The following ASPRV1 variants were observed in gnomAD, a reference collection of about 807,000 sequenced individuals.
ASPRV1 encodes the protein aspartic peptidase retroviral like 1.
In ASPRV1, 7 loss-of-function variants were observed where a neutral mutation model predicts 11.0. The ratio of observed to expected loss-of-function variants is 0.64; its 90% CI spans 0.36 to 1.20. The LOEUF (loss-of-function observed/expected upper bound fraction) is 1.20. ASPRV1 is among the 50% of genes most tolerant of loss of function. ASPRV1 has a pLI of 0.02. For synonymous variants in ASPRV1, 136 were observed against 138.4 expected (o/e 0.98, Z 0.12); for missense variants, 299 against 320.0 (o/e 0.93, Z 0.50).
chr2:70,087,093 C>A, the ASPRV1 span: 3 of 152,044 alleles, frequency 2.0e-5, no homozygotes, highest in Non-Finnish European at 4.4e-5. Context: ...TGTTTTAAAC[C>A]CGCGGCGTCC....
the ASPRV1 span, among the ~76,000 whole-genome samples, chr2:70,072,043 C>T: frequency 2.6e-5 from 4 of 151,926 alleles, no homozygotes; most frequent in African/African-American, 9.7e-5. Context: ...CCTCTGCCTC[C>T]TGGGTTCAAG....
At chr2:70,082,989 C>G in the ASPRV1 span, among the ~76,000 whole-genome samples, 2 of 152,100 alleles carry the variant, frequency 1.3e-5, no homozygotes, top group Admixed American at 1.3e-4. Flanking sequence ...GTCCCTGCCC[C>G]CAGAGAACAT....
At chr2:70,034,085 G>A in the ASPRV1 span, among the ~76,000 whole-genome samples, 1 of 150,340 alleles carries the variant, frequency 6.7e-6, no homozygotes, top group South Asian at 2.1e-4. Context: ...ACCCCGGGGG[G>A]TGGAGCCTGC....
At chr2:70,053,882 CTCTT>C in the ASPRV1 span, 3 of 152,252 alleles carry the variant, frequency 2.0e-5, no homozygotes, top group Admixed American at 6.5e-5. Flanking sequence ...GCAGAGGAAC[CTCTT>C]TCTCTCTCCA....
At chr2:70,010,958 T>C in the ASPRV1 span, among the ~76,000 whole-genome samples, 3 of 152,190 alleles carry the variant, frequency 2.0e-5, no homozygotes, top group African/African-American at 4.8e-5. Context: ...GTACTCGATA[T>C]GTATTTACTT....
the ASPRV1 span, among the ~76,000 whole-genome samples, chr2:70,022,346 AACACACACACACACTTACAC>A: frequency 2.2e-3 from 298 of 138,582 alleles, 2 homozygotes; most frequent in African/African-American, 6.9e-3. Flanking sequence ...TTCTTACCAA[AACACACACACACACTTACAC>A]ACACACACAC....
chr2:69,972,668 C>A, the ASPRV1 span, among the ~76,000 whole-genome samples: 368 of 152,180 alleles, frequency 2.4e-3, 3 homozygotes, highest in African/African-American at 8.7e-3. Context: ...GCCGTCCTCT[C>A]GGTTTTCATG....
the ASPRV1 span, chr2:69,976,390 C>T: frequency 6.6e-6 from 1 of 152,342 alleles, no homozygotes; most frequent in Non-Finnish European, 1.5e-5. Context: ...CAACCTCGAC[C>T]CTGAGGGCCC....
chr2:70,005,445 A>G, the ASPRV1 span, among the ~76,000 whole-genome samples: 1 of 152,132 alleles, frequency 6.6e-6, no homozygotes, highest in Admixed American at 6.6e-5. Context: ...CACGCATGCC[A>G]AATTGTCAAT....
At chr2:69,957,028 C>T (rs1677954677), downstream of ASPRV1, among the ~76,000 whole-genome samples, 1 of 152,192 alleles carries the variant, frequency 6.6e-6, no homozygotes, top group Admixed American at 6.5e-5. Context: ...CAATATGTAG[C>T]TGAATTCAGT....
the ASPRV1 span, among the ~76,000 whole-genome samples, chr2:70,000,829 A>G: frequency 6.6e-6 from 1 of 151,084 alleles, no homozygotes; most frequent in Non-Finnish European, 1.5e-5. Context: ...AAAGAAAAAG[A>G]AAAGAAAACT....
the ASPRV1 span, among the ~76,000 whole-genome samples, chr2:69,984,226 A>C: frequency 3.3e-5 from 5 of 152,002 alleles, no homozygotes; most frequent in Non-Finnish European, 7.4e-5. Flanking sequence ...TTTAGTAGAG[A>C]CGAGGTTTCA....
chr2:69,949,610 T>C, the ASPRV1 span, among the ~76,000 whole-genome samples: 1 of 152,348 alleles, frequency 6.6e-6, no homozygotes, highest in African/African-American at 2.4e-5. Flanking sequence ...TCTAAAAGTA[T>C]ACTCCACATT....
chr2:69,961,049 C>CA lies in ASPRV1; in HGVS notation c.387dup (p.Gly130TrpfsTer17). 1 of 1,614,080 alleles carries CA rather than the reference C, an allele frequency of 6.2e-7. No individual in the cohort carries two copies. Among genetic ancestry groups the CA allele is most frequent in the South Asian group, 1.1e-5 (1 of 91,076 alleles). On this transcript the variant is annotated frameshift_variant, in exon 1 of 1. Transcript: ENST00000320256. LOFTEE classifies it high-confidence loss of function. ...GGGTGGACCACAGAGACCTGGGCCC[C>CA]AGAGTCCACCAGGAACCTCACGGGC... is the stretch of plus-strand genomic sequence containing the variant.
chr2:70,025,336 C>T, the ASPRV1 span, among the ~76,000 whole-genome samples: 22 of 151,936 alleles, frequency 1.4e-4, no homozygotes, highest in African/African-American at 5.3e-4. Flanking sequence ...GGCAGGAGAA[C>T]CACTTGATCT....
At chr2:69,999,722 T>C in the ASPRV1 span, among the ~76,000 whole-genome samples, 1 of 150,176 alleles carries the variant, frequency 6.7e-6, no homozygotes, top group Non-Finnish European at 1.5e-5. Context: ...ACCAGTGACT[T>C]ATCTGGCCAG....
chr2:69,958,912 C>T (rs1295381949), downstream of ASPRV1, among the ~76,000 whole-genome samples: 1 of 152,192 alleles, frequency 6.6e-6, no homozygotes, highest in East Asian at 1.9e-4. Flanking sequence ...CCACACCTGT[C>T]CTTCCTCCAG....
chr2:69,942,651 C>T, the ASPRV1 span: 1 of 152,170 alleles, frequency 6.6e-6, no homozygotes, highest in South Asian at 2.1e-4. Context: ...AATTGGTGCT[C>T]TTGGAATATT....
chr2:69,972,361 C>CT, the ASPRV1 span, among the ~76,000 whole-genome samples: 162 of 135,936 alleles, frequency 1.2e-3, 1 homozygote, highest in Middle Eastern at 4.0e-3. Context: ...GTGCCCGGCC[C>CT]TTTTTTTTTT....
Sources: gnomAD v4.1 joint callset for allele counts (sites outside exome capture counted in the v4.1 genomes callset) on GRCh38, gnomAD v4.1.1 for gene constraint, MANE v1.5 for transcripts, NCBI Gene and HGNC (gene_info 2026-07-23, HGNC 2026-07-21) for gene names.